CLEC16A: variants seen among roughly 807,000 people sequenced by gnomAD.
CLEC16A encodes protein CLEC16A.
A neutral mutation model predicts 109.5 loss-of-function variants in CLEC16A; 51 were observed. The observed-to-expected ratio is 0.47, with a 90% CI of 0.37 to 0.59. CLEC16A has a LOEUF of 0.59. CLEC16A is among the 20% of genes least tolerant of loss of function. The pLI is 0.00. For synonymous variants in CLEC16A, 673 were observed against 564.2 expected (o/e 1.19, Z -2.73); for missense variants, 1,339 against 1,394.0 (o/e 0.96, Z 0.63).
intron 1 of CLEC16A, among the ~76,000 whole-genome samples, chr16:10,956,580 C>A (rs1047401002): frequency 6.6e-6 from 1 of 152,210 alleles, no homozygotes; most frequent in Non-Finnish European, 1.5e-5. Flanking sequence ...CCTGGAGAAG[C>A]CATCTTAAAA....
chr16:11,163,411 G>T (rs1316865327), intron 22 of CLEC16A, among the ~76,000 whole-genome samples: 1 of 152,204 alleles, frequency 6.6e-6, no homozygotes, highest in Non-Finnish European at 1.5e-5. Context: ...AGTAGAAGTG[G>T]GTGAGGGAGA....
chr16:11,114,766 G>A (rs529329533), intron 19 of CLEC16A, among the ~76,000 whole-genome samples: 8 of 152,174 alleles, frequency 5.3e-5, no homozygotes, highest in African/African-American at 1.7e-4. Context: ...TGATACTGGC[G>A]GGACCCACAA....
At chr16:11,124,935 A>G (rs1176517782) in intron 21 of CLEC16A, among the ~76,000 whole-genome samples, 2 of 152,196 alleles carry the variant, frequency 1.3e-5, no homozygotes, top group Non-Finnish European at 2.9e-5. Flanking sequence ...AAGAAATTAC[A>G]AAAATGAGCC....
intron 19 of CLEC16A, among the ~76,000 whole-genome samples, chr16:11,088,427 A>G (rs556025324): frequency 6.6e-6 from 1 of 152,326 alleles, no homozygotes; most frequent in East Asian, 1.9e-4. Context: ...TCTGTGTACC[A>G]TCTTCAGCTG....
chr16:10,998,955 T>C (rs969035766), intron 10 of CLEC16A, among the ~76,000 whole-genome samples: 4 of 152,202 alleles, frequency 2.6e-5, no homozygotes, highest in African/African-American at 9.7e-5. Flanking sequence ...TACCAGCCTC[T>C]GCATGCTAAC....
chr16:10,953,928 G>A (rs934658555), intron 1 of CLEC16A, among the ~76,000 whole-genome samples: 10 of 150,758 alleles, frequency 6.6e-5, no homozygotes, highest in African/African-American at 2.4e-4. Context: ...AGTGAGTGGA[G>A]ATCGCACCAC....
intron 10 of CLEC16A, among the ~76,000 whole-genome samples, chr16:10,997,487 T>G (rs1386268734): frequency 1.3e-5 from 2 of 152,224 alleles, no homozygotes; most frequent in African/African-American, 4.8e-5. Flanking sequence ...TAAACTTGCC[T>G]TTTCAAAGTT....
At chr16:10,996,253 C>CT (rs2044321742) in intron 10 of CLEC16A, among the ~76,000 whole-genome samples, 3 of 152,214 alleles carry the variant, frequency 2.0e-5, no homozygotes, top group African/African-American at 7.2e-5. Context: ...TTGTGAGCAG[C>CT]ACGGGCTAGT....
chr16:11,112,614 A>G (rs1230551743), intron 19 of CLEC16A, among the ~76,000 whole-genome samples: 2 of 152,182 alleles, frequency 1.3e-5, no homozygotes, highest in African/African-American at 2.4e-5. Flanking sequence ...GCGGTAAGCA[A>G]TGATTGCACC....
intron 19 of CLEC16A, among the ~76,000 whole-genome samples, chr16:11,099,232 A>G (rs947989581): frequency 1.3e-5 from 2 of 152,240 alleles, no homozygotes; most frequent in African/African-American, 4.8e-5. Context: ...GCTCATCGGC[A>G]GACGTGGAGC....
At chr16:11,024,284 T>C (rs75599898) in intron 12 of CLEC16A, 7,060 of 154,854 alleles carry the variant, frequency 0.046, 204 homozygotes, top group Non-Finnish European at 0.066. Flanking sequence ...CCCATACAGA[T>C]GGGGAAATAG....
Position 11,178,224 on chromosome 16 carries a change from C to T in CLEC16A, c.2807-111C>T, listed in dbSNP as rs181927844. The T allele has an allele frequency of 3.0e-5, 28 of 938,836 alleles. No individual in the cohort carries two copies. The African/African-American group carries it at 4.6e-4, about 15-fold the overall frequency. The allele number at this position is 938,836 out of a possible 1,614,324, so 58.2% of individuals were successfully genotyped here. On this transcript the variant is annotated intron_variant, in intron 23 of 23. Transcript: ENST00000409790. This position sits in a 1 kb window ranked among gnomAD's most constrained non-coding sequence, Gnocchi z 6.5. ...ACGCTGAGCCCTCACGCCAGCCAGCCACCTCCCACCTAGCTCACCAGGGCC... is the reference window on the plus strand; with the variant it reads ...ACGCTGAGCCCTCACGCCAGCCAGCTACCTCCCACCTAGCTCACCAGGGCC...
rs115906116 is a variant in CLEC16A, at chr16:10,971,349, G to A, written c.598+119G>A. ...CGAGGGAGCACATTGATGATGAGCC[G>A]TGGCAGCTTCTCTCATGAAAAACTT... On this transcript the variant is annotated intron_variant, in intron 5 of 23. Transcript: ENST00000409790. The A allele has an allele frequency of 1.7e-3, 1,383 of 827,716 alleles. 10 individuals carry two copies. The African/African-American group carries it at 0.022, about 13-fold the overall frequency. 51.3% of individuals were successfully genotyped at this position (827,716 alleles called of 1,614,324 possible).
At chr16:11,068,649 G>T (rs141547370) in intron 19 of CLEC16A, among the ~76,000 whole-genome samples, 5 of 152,148 alleles carry the variant, frequency 3.3e-5, no homozygotes, top group Non-Finnish European at 7.4e-5. Flanking sequence ...AAAACCACAG[G>T]CTCATCCCTG....
intron 11 of CLEC16A, among the ~76,000 whole-genome samples, chr16:11,018,748 C>CATAAAAAAAA (rs2045917687): frequency 1.0e-5 from 1 of 96,280 alleles, no homozygotes; most frequent in African/African-American, 4.4e-5. Context: ...GACTCCATCT[C>CATAAAAAAAA]AAAAAAAAAA....
chr16:11,159,587 C>A (rs2054647656), intron 22 of CLEC16A, among the ~76,000 whole-genome samples: 1 of 152,246 alleles, frequency 6.6e-6, no homozygotes, highest in Non-Finnish European at 1.5e-5. Context: ...AGGGCGTTAT[C>A]TTTGAGGAAT....
chr16:10,996,786 A>ACTGTGGGCTCTGAGAGGCGTGGC (rs2044356137), intron 10 of CLEC16A, among the ~76,000 whole-genome samples: 1 of 151,746 alleles, frequency 6.6e-6, no homozygotes, highest in Non-Finnish European at 1.5e-5. Flanking sequence ...AGAGGCGTGG[A>ACTGTGGGCTCTGAGAGGCGTGGC]CTGTGGGCTC....
At chr16:11,091,079 C>T (rs1028110991) in intron 19 of CLEC16A, among the ~76,000 whole-genome samples, 9 of 152,114 alleles carry the variant, frequency 5.9e-5, no homozygotes, top group Admixed American at 3.3e-4. Flanking sequence ...GGATTACAGG[C>T]GTGAGCCACC....
Position 10,962,576 on chromosome 16 carries a change from G to A in CLEC16A, c.331G>A (p.Glu111Lys), listed in dbSNP as rs770608290. ...CATCCTCTTTGAGAACATCAGTCAC[G>A]AGACCTCACTTTGTAAGGACATTCC... is the stretch of plus-strand genomic sequence containing the variant. The part of the protein sequence containing the change: ...LNILFENISH[E>K]TSLYYLLSNN... Residue 111 changes from glutamate (E) to lysine (K), a missense_variant, in exon 3 of 24, where the codon GAG (glutamate) becomes AAG (lysine). By Grantham distance (56) the Glu-to-Lys change is moderately conservative (BLOSUM62 1). Coordinates refer to ENST00000409790, the MANE Select transcript of CLEC16A (RefSeq NM_015226.3). 2.5e-6 allele frequency: 4 copies of A among 1,613,616 alleles called. No individual in the cohort carries two copies. The highest frequency in any genetic ancestry group is 1.7e-5 in the Admixed American group (1 of 59,978).
Sources: allele counts gnomAD v4.1 joint callset (sites outside exome capture counted in the v4.1 genomes callset), GRCh38; gene constraint gnomAD v4.1.1; non-coding constraint Gnocchi (gnomAD v3.1); transcripts MANE v1.5; gene names NCBI Gene and HGNC (gene_info 2026-07-23, HGNC 2026-07-21).